P2RY14: variants seen among roughly 807,000 people sequenced by gnomAD.
The protein encoded by P2RY14 is P2Y purinoceptor 14.
A neutral mutation model predicts 0.9 loss-of-function variants in P2RY14; 2 were observed. The observed-to-expected ratio is 2.16, with a 90% CI of 0.88 to 6.79. The LOEUF (loss-of-function observed/expected upper bound fraction) is 6.79, where lower values mean the gene tolerates loss of function less well. Ranked by LOEUF, P2RY14 falls within the 30% of genes most tolerant of loss-of-function variation. P2RY14 has a pLI of 0.05. For missense variants in P2RY14, 378 were observed against 400.1 expected, an observed-to-expected ratio of 0.94 and a Z score of 0.47; for synonymous variants, 158 against 147.2, an observed-to-expected ratio of 1.07 and a Z score of -0.53.
At chr3:151,263,252 C>T (rs1034995616) in intron 1 of P2RY14, among the ~76,000 whole-genome samples, 1 of 152,206 alleles carries the variant, frequency 6.6e-6, no homozygotes, top group Admixed American at 6.5e-5. Flanking sequence ...AGTCCTTTGT[C>T]ATCAGCACGT....
At chr3:151,268,985 C>T (rs980367571) in intron 1 of P2RY14, among the ~76,000 whole-genome samples, 1 of 152,290 alleles carries the variant, frequency 6.6e-6, no homozygotes, top group East Asian at 1.9e-4. Flanking sequence ...TTGAACTTTC[C>T]TAGCGGTGTG....
chr3:151,218,583 C>T (rs1363703769), intron 2 of P2RY14, among the ~76,000 whole-genome samples: 2 of 151,980 alleles, frequency 1.3e-5, no homozygotes, highest in East Asian at 3.9e-4. Flanking sequence ...AAAAGGAATA[C>T]TGTGGCCGGG....
At chr3:151,253,156 T>C (rs999389822) in intron 1 of P2RY14, among the ~76,000 whole-genome samples, 16 of 152,216 alleles carry the variant, frequency 1.1e-4, no homozygotes, top group African/African-American at 3.9e-4. Context: ...TCTGGGGTCA[T>C]GACAGGCACC....
chr3:151,267,254 T>G (rs960682312), intron 1 of P2RY14, among the ~76,000 whole-genome samples: 2 of 152,148 alleles, frequency 1.3e-5, no homozygotes, highest in African/African-American at 4.8e-5. Context: ...TGAAAAGGAT[T>G]GTACATTGTC....
intron 1 of P2RY14, among the ~76,000 whole-genome samples, chr3:151,236,593 C>T (rs1157587410): frequency 2.0e-5 from 3 of 152,120 alleles, no homozygotes; most frequent in Admixed American, 2.0e-4. Flanking sequence ...ACTTTTATTC[C>T]ACATTACCTG....
chr3:151,249,071 A>G (rs1736338289), intron 1 of P2RY14: 2 of 152,184 alleles, frequency 1.3e-5, no homozygotes, highest in African/African-American at 2.4e-5. Context: ...GTCAGGTACT[A>G]CAGATGTCCA....
chr3:151,216,828 T>C (rs1035910240), intron 2 of P2RY14, among the ~76,000 whole-genome samples: 1 of 152,222 alleles, frequency 6.6e-6, no homozygotes, highest in Non-Finnish European at 1.5e-5. Context: ...CTACTGTGAC[T>C]AAGAGTCTGT....
chr3:151,255,086 GA>G (rs1737571408), intron 1 of P2RY14, among the ~76,000 whole-genome samples: 1 of 152,032 alleles, frequency 6.6e-6, no homozygotes, highest in African/African-American at 2.4e-5. Context: ...AAAATGTAGA[GA>G]AGCGCTTAAA....
rs1461189670 is a variant in P2RY14 at position 151,247,691 on chromosome 3, G to T, written c.-132-28049C>A. Among the ~76,000 whole-genome samples, 4 of 147,034 alleles carry T rather than the reference G, an allele frequency of 2.7e-5. 1 individual carries two copies. Among genetic ancestry groups the T allele is most frequent in the African/African-American group, 1.0e-4 (4 of 40,034 alleles). On this transcript the variant is annotated intron_variant, in intron 1 of 2. Coordinates refer to ENST00000309170, the MANE Select transcript of P2RY14 (RefSeq NM_014879.4). The stretch of plus-strand genomic sequence containing the variant: ...ACGAGTTAGTGGGTGCAGTGCACCA[G>T]CATGGCACATGTATACATATGTAAC...
intron 1 of P2RY14, among the ~76,000 whole-genome samples, chr3:151,234,624 T>G (rs1052070252): frequency 1.3e-5 from 2 of 152,172 alleles, no homozygotes; most frequent in African/African-American, 4.8e-5. Context: ...TGAAGGGAGC[T>G]TAATGGGTTG....
At chr3:151,248,841 A>G (rs928628312) in intron 1 of P2RY14, 13 of 152,170 alleles carry the variant, frequency 8.5e-5, no homozygotes, top group African/African-American at 2.9e-4. Context: ...TGTACTCTGC[A>G]TTAGATGGAA....
chr3:151,224,549 A>G (rs1350761291), intron 1 of P2RY14, among the ~76,000 whole-genome samples: 3 of 152,130 alleles, frequency 2.0e-5, no homozygotes, highest in African/African-American at 4.8e-5. Flanking sequence ...TACTAAAATA[A>G]TTTACAAATA....
At chr3:151,253,147 C>A (rs546669008) in intron 1 of P2RY14, among the ~76,000 whole-genome samples, 2 of 152,202 alleles carry the variant, frequency 1.3e-5, no homozygotes, top group African/African-American at 4.8e-5. Flanking sequence ...TTCTGGAGAT[C>A]TGGGGTCATG....
At chr3:151,229,700 C>G (rs546014969) in intron 1 of P2RY14, among the ~76,000 whole-genome samples, 2 of 151,754 alleles carry the variant, frequency 1.3e-5, no homozygotes, top group East Asian at 3.9e-4. Context: ...CTCCTGACCT[C>G]GTGATCCGCC....
chr3:151,245,078 G>C (rs1735106180), intron 1 of P2RY14, among the ~76,000 whole-genome samples: 1 of 152,190 alleles, frequency 6.6e-6, no homozygotes, highest in Admixed American at 6.5e-5. Context: ...GGAAGAAGTT[G>C]AATCTCTGAA....
chr3:151,273,877 A>G (rs985090814), intron 1 of P2RY14, among the ~76,000 whole-genome samples: 1 of 152,156 alleles, frequency 6.6e-6, no homozygotes, highest in Non-Finnish European at 1.5e-5. Flanking sequence ...TAAGACCCTC[A>G]TTTTTGTCCA....
At chr3:151,247,522 A>G (rs2149426297) in intron 1 of P2RY14, among the ~76,000 whole-genome samples, 1 of 150,734 alleles carries the variant, frequency 6.6e-6, no homozygotes, top group South Asian at 2.1e-4. Flanking sequence ...ACAAAAAACC[A>G]AACACTGCAT....
chr3:151,216,026 G>A (rs1307237751), intron 2 of P2RY14, among the ~76,000 whole-genome samples: 1 of 152,138 alleles, frequency 6.6e-6, no homozygotes, highest in African/African-American at 2.4e-5. Flanking sequence ...GCCTGGTTTG[G>A]GGTGGGTTGA....
intron 1 of P2RY14, among the ~76,000 whole-genome samples, chr3:151,263,473 G>T (rs1739274624): frequency 6.6e-6 from 1 of 152,168 alleles, no homozygotes. Flanking sequence ...ACATTTGTTT[G>T]TAAAGTTGTT....
Sources: gnomAD v4.1 joint callset for allele counts (sites outside exome capture counted in the v4.1 genomes callset) on GRCh38, gnomAD v4.1.1 for gene constraint, MANE v1.5 for transcripts, NCBI Gene and HGNC (gene_info 2026-07-23, HGNC 2026-07-21) for gene names.